The following CEP44 variants were observed in gnomAD, a reference collection of about 807,000 sequenced individuals.
The protein encoded by CEP44 is centrosomal protein 44, also known as centrosomal protein of 44 kDa.
Under a neutral mutation model 46.7 loss-of-function variants are expected in CEP44, and 45 were observed. The ratio of observed to expected loss-of-function variants is 0.96; its 90% CI spans 0.76 to 1.24. The LOEUF is 1.24. Among genes scored for constraint, CEP44 ranks in the 50% most tolerant of loss-of-function variants. The pLI, the probability that CEP44 is intolerant of heterozygous loss-of-function variation, is 0.00. For synonymous variants in CEP44, 142 were observed against 146.0 expected (o/e 0.97, Z 0.20); for missense variants, 475 against 459.7 (o/e 1.03, Z -0.30).
rs116673822 is a variant in CEP44, at chr4:174,306,520, C to T, written c.507+2151C>T. On this transcript the variant is annotated intron_variant, in intron 6 of 11. Transcript: ENST00000503780. Reference sequence around the variant, plus strand: ...AGACATAATTTAATAAATATTTCAGCGCTTGTCCTAAAATGTAAGAATTGT... The same window carrying T: ...AGACATAATTTAATAAATATTTCAGTGCTTGTCCTAAAATGTAAGAATTGT... Among the ~76,000 whole-genome samples, 272 of 152,050 alleles carry T rather than the reference C, an allele frequency of 1.8e-3. 1 individual carries two copies. Among genetic ancestry groups the T allele is most frequent in the Non-Finnish European group, 3.2e-3 (218 of 67,968 alleles).
In CEP44 at chr4:174,318,823, T is replaced by C. The variant is rs1283056750; in HGVS notation, c.*1440T>C. 1 of 669,902 alleles carries C rather than the reference T, an allele frequency of 1.5e-6. No individual in the cohort carries two copies. The highest frequency in any genetic ancestry group is 1.8e-6 in the Non-Finnish European group (1 of 543,366). 41.5% of individuals were successfully genotyped at this position (669,902 alleles called of 1,614,324 possible). On this transcript the variant is annotated 3_prime_UTR_variant, in exon 12 of 12. Coordinates refer to ENST00000503780, the MANE Select transcript of CEP44 (RefSeq NM_001040157.3). Reference sequence around the variant, plus strand: ...AATTCCTTTGTTTTTTTTTTTTTTCTTTTTGAAACAGGGTCTCACTCTATT... The same window carrying C: ...AATTCCTTTGTTTTTTTTTTTTTTCCTTTTGAAACAGGGTCTCACTCTATT...
At chr4:174,324,637 A>G (rs1172866357), downstream of CEP44, among the ~76,000 whole-genome samples, 14 of 152,074 alleles carry the variant, frequency 9.2e-5, no homozygotes, top group Admixed American at 9.2e-4. Context: ...CATCTGGTAA[A>G]CTGAGAAGGT....
rs375127075 is a variant in CEP44 at position 174,317,491 on chromosome 4, A to G, written c.*108A>G. ...TACTGCAATACTGCAGTTTTTGACA[A>G]TTTGGATTCCATTTGGTATATGAAT... On this transcript the variant is annotated 3_prime_UTR_variant, in exon 12 of 12. Transcript: ENST00000503780. 2.4e-5 allele frequency: 30 copies of G among 1,237,220 alleles called. No homozygotes were observed. The highest frequency in any genetic ancestry group is 3.1e-5 in the Non-Finnish European group (30 of 973,468). 76.6% of individuals were successfully genotyped at this position (1,237,220 alleles called of 1,614,324 possible).
chr4:174,323,255 A>G (rs1742441946), downstream of CEP44, among the ~76,000 whole-genome samples: 1 of 152,204 alleles, frequency 6.6e-6, no homozygotes, highest in African/African-American at 2.4e-5. Flanking sequence ...CTGAAGCAGC[A>G]GCTGCCCTGA....
chr4:174,320,602 C>T (rs567162905), downstream of CEP44, among the ~76,000 whole-genome samples: 7 of 49,182 alleles, frequency 1.4e-4, no homozygotes, highest in Non-Finnish European at 2.9e-4. Context: ...AGATGGTTTA[C>T]GCAAAAGGAC....
intron 4 of CEP44, 99 bp downstream of exon 4, chr4:174,302,285 T>C (rs964115577): frequency 8.5e-6 from 6 of 704,112 alleles, no homozygotes; most frequent in Non-Finnish European, 1.4e-5. Flanking sequence ...GCATATACAA[T>C]TGACAGGATA....
chr4:174,300,613 A>G (rs1739600156), intron 3 of CEP44, among the ~76,000 whole-genome samples: 1 of 152,118 alleles, frequency 6.6e-6, no homozygotes, highest in African/African-American at 2.4e-5. Context: ...ATAACATACT[A>G]AAATCTGCAG....
rs997130286 is a variant in CEP44 at position 174,312,865 on chromosome 4, A to G, written c.961+2007A>G. On this transcript the variant is annotated intron_variant, in intron 9 of 11. Transcript: ENST00000503780. The surrounding 1 kb of genome is among the most constrained non-coding windows in gnomAD (Gnocchi z 4.5). ...GGGTTTAGGATCATATTAAATCAGG[A>G]ATAGTTTTTGTGAGGTTCCAGATTT... 7.9e-5 allele frequency among the ~76,000 whole-genome samples: 12 copies of G among 152,124 alleles called. No homozygotes were observed. Among genetic ancestry groups the G allele is most frequent in the Non-Finnish European group, 1.8e-4 (12 of 68,008 alleles).
intron 1 of CEP44, among the ~76,000 whole-genome samples, chr4:174,292,732 C>T (rs971023843): frequency 9.2e-5 from 14 of 152,038 alleles, no homozygotes; most frequent in African/African-American, 2.9e-4. Flanking sequence ...TTATGCTTCT[C>T]CTTTATTGAA....
At chr4:174,323,002 CA>C (rs1281549225), downstream of CEP44, among the ~76,000 whole-genome samples, 1 of 151,312 alleles carries the variant, frequency 6.6e-6, no homozygotes, top group East Asian at 1.9e-4. Flanking sequence ...AAAAGTTACT[CA>C]AAAAAGTACA....
At chr4:174,306,273 A>C (rs1740389046) in intron 6 of CEP44, among the ~76,000 whole-genome samples, 1 of 152,148 alleles carries the variant, frequency 6.6e-6, no homozygotes, top group African/African-American at 2.4e-5. Flanking sequence ...TGTTAGCTGA[A>C]GGTCTAATAA....
chr4:174,331,567 G>A lies in CEP44; in HGVS notation c.1172G>A (p.Ser391Asn). The A allele has an allele frequency of 1.3e-6, 2 of 1,551,462 alleles. No homozygotes were observed. The highest frequency in any genetic ancestry group is 4.9e-5 in the East Asian group (2 of 40,908). ...CATACTTCATACCTTTCATCACAGAGCTTTGCTTGGCCTCTCTCCTGTGTG... is the reference window on the plus strand; with the variant it reads ...CATACTTCATACCTTTCATCACAGAACTTTGCTTGGCCTCTCTCCTGTGTG... The change falls in exon 9 of 9, where the codon AGC becomes AAC. Residue 391 changes from serine to asparagine, a missense_variant. By Grantham distance (46) the Ser-to-Asn change is conservative. Transcript: ENST00000426172. This position sits in a 1 kb window ranked among gnomAD's most constrained non-coding sequence, Gnocchi z 4.5.
chr4:174,298,137 C>T (rs1437032080), intron 2 of CEP44, 75 bp downstream of exon 2: 1 of 148,498 alleles, frequency 6.7e-6, no homozygotes, highest in African/African-American at 2.5e-5. Context: ...GTGAAATCTC[C>T]TGTAGTTCTT....
chr4:174,316,387 C>G (rs377569081), intron 10 of CEP44, 97 bp downstream of exon 10: 8 of 1,398,152 alleles, frequency 5.7e-6, no homozygotes, highest in Non-Finnish European at 7.0e-6. Flanking sequence ...ATAGCAAACG[C>G]GAATCTTAGT....
At chr4:174,327,806 A>C (rs115989157) in intron 8 of CEP44, among the ~76,000 whole-genome samples, 2,634 of 152,226 alleles carry the variant, frequency 0.017, 38 homozygotes, top group Middle Eastern at 0.061. Flanking sequence ...TTTCAGGTAG[A>C]TTAAAGACAT....
Position 174,331,460 on chromosome 4 carries a change from T to A in CEP44, c.1087-22T>A. ...TGCATTTAGATCATATTTTAATGTATAATTTTGTGTTTCCTTTCTAGAATT... is the reference window on the plus strand; with the variant it reads ...TGCATTTAGATCATATTTTAATGTAAAATTTTGTGTTTCCTTTCTAGAATT... On this transcript the variant is annotated intron_variant, in intron 8 of 8. Coordinates refer to the CEP44 transcript ENST00000426172. This position sits in a 1 kb window ranked among gnomAD's most constrained non-coding sequence, Gnocchi z 4.5. The A allele has an allele frequency of 6.4e-7, 1 of 1,550,832 alleles. No individual in the cohort carries two copies. The highest frequency in any genetic ancestry group is 8.7e-7 in the Non-Finnish European group (1 of 1,146,566).
At chr4:174,308,165 A>G (rs1004365472) in intron 6 of CEP44, among the ~76,000 whole-genome samples, 2 of 152,186 alleles carry the variant, frequency 1.3e-5, no homozygotes, top group African/African-American at 2.4e-5. Context: ...TTGCAGCACT[A>G]TTCACAATAG....
rs940388594 is a variant in CEP44 at position 174,301,768 on chromosome 4, G to A, written c.90-271G>A. ...AATGGAGTAGATCACGTAAGACTAAGCTTTGGAAAATCAATGGTAAATAGT... is the reference window on the plus strand; with the variant it reads ...AATGGAGTAGATCACGTAAGACTAAACTTTGGAAAATCAATGGTAAATAGT... On this transcript the variant is annotated intron_variant, in intron 3 of 11. Coordinates refer to ENST00000503780, the MANE Select transcript of CEP44 (RefSeq NM_001040157.3). The surrounding 1 kb of genome is among the most constrained non-coding windows in gnomAD (Gnocchi z 4.3). Among the ~76,000 whole-genome samples, 1 of 152,090 alleles carries A rather than the reference G, an allele frequency of 6.6e-6. No homozygotes were observed. The highest frequency in any genetic ancestry group is 1.5e-5 in the Non-Finnish European group (1 of 67,982).
In CEP44 at chr4:174,314,486, C is replaced by A. The variant is rs1471436416; in HGVS notation, c.962-1680C>A. 6.6e-6 allele frequency among the ~76,000 whole-genome samples: 1 copy of A among 152,102 alleles called. No individual in the cohort carries two copies. On this transcript the variant is annotated intron_variant, in intron 9 of 11. Coordinates refer to ENST00000503780, the MANE Select transcript of CEP44 (RefSeq NM_001040157.3). This position sits in a 1 kb window ranked among gnomAD's most constrained non-coding sequence, Gnocchi z 4.1. ...CTCTGTAGGAATAACTATGAATAGC[C>A]TGCCAGCCTGCCAAATACCAGCTTT...
Sources: allele counts gnomAD v4.1 joint callset (sites outside exome capture counted in the v4.1 genomes callset), GRCh38; gene constraint gnomAD v4.1.1; non-coding constraint Gnocchi (gnomAD v3.1); transcripts MANE v1.5; gene names NCBI Gene and HGNC (gene_info 2026-07-23, HGNC 2026-07-21).